Variants in PRAG1 observed in about 807,000 individuals in gnomAD.
The protein encoded by PRAG1 is inactive tyrosine-protein kinase PRAG1.
A neutral mutation model predicts 95.6 loss-of-function variants in PRAG1; 110 were observed. The ratio of observed to expected loss-of-function variants is 1.15; its 90% CI spans 0.99 to 1.35. PRAG1 has a LOEUF of 1.35. Among genes scored for constraint, PRAG1 ranks in the 40% most tolerant of loss-of-function variants. PRAG1 has a pLI of 0.00. For missense variants in PRAG1, 2,554 were observed against 1,864.7 expected (o/e 1.37, Z -6.81); for synonymous variants, 1,052 against 819.4 (o/e 1.28, Z -4.85).
At chr8:8,351,477 G>T (rs1799521077) in intron 3 of PRAG1, among the ~76,000 whole-genome samples, 1 of 152,082 alleles carries the variant, frequency 6.6e-6, no homozygotes, top group Non-Finnish European at 1.5e-5. Flanking sequence ...TAGTCTAGAG[G>T]TTCACCCTAC....
Position 8,376,279 on chromosome 8 carries a change from T to A in PRAG1, c.2130A>T (p.Thr710=). ...EFPKDRSGIE[T]FSPPPPPPKS... is the part of the protein sequence containing the mutation. Reference sequence around the variant, plus strand: ...TTGGAGGCGGAGGAGGAGGTGAGAATGTCTCAATCCCACTTCTGTCCTTGG... The same window carrying A: ...TTGGAGGCGGAGGAGGAGGTGAGAAAGTCTCAATCCCACTTCTGTCCTTGG... The change falls in exon 3 of 6, where the codon ACA becomes ACT. Residue 710 remains threonine, a synonymous_variant. Coordinates refer to ENST00000615670, the MANE Select transcript of PRAG1 (RefSeq NM_001080826.3). 6.2e-7 allele frequency: 1 copy of A among 1,614,116 alleles called. No homozygotes were observed. The highest frequency in any genetic ancestry group is 8.5e-7 in the Non-Finnish European group (1 of 1,180,020).
intron 3 of PRAG1, among the ~76,000 whole-genome samples, chr8:8,360,678 G>C (rs1318961020): frequency 6.6e-6 from 1 of 152,208 alleles, no homozygotes; most frequent in Non-Finnish European, 1.5e-5. Flanking sequence ...CCTTGCCCAA[G>C]GGGGCTTTCT....
At chr8:8,349,447 AT>A (rs571901796) in intron 3 of PRAG1, among the ~76,000 whole-genome samples, 5 of 151,528 alleles carry the variant, frequency 3.3e-5, no homozygotes, top group African/African-American at 1.2e-4. Context: ...CGCCAGGCTA[AT>A]TTTTTTTATA....
chr8:8,335,695 T>A lies in PRAG1; in HGVS notation c.2320+3783A>T, dbSNP rs538873973. ...TTTTAAAAATAAATGTTTTTTTCCTTTGGAGCACTTCCACCCCTCCCCACC... is the reference window on the plus strand; with the variant it reads ...TTTTAAAAATAAATGTTTTTTTCCTATGGAGCACTTCCACCCCTCCCCACC... On this transcript the variant is annotated intron_variant, in intron 4 of 5. Transcript: ENST00000615670. Among the ~76,000 whole-genome samples, 7 of 152,302 alleles carry A rather than the reference T, an allele frequency of 4.6e-5. No individual in the cohort carries two copies. In the South Asian group the frequency reaches 1.5e-3, roughly 32 times the overall value.
chr8:8,349,335 C>T (rs1343577296), intron 3 of PRAG1, among the ~76,000 whole-genome samples: 2 of 151,946 alleles, frequency 1.3e-5, no homozygotes, highest in Admixed American at 6.6e-5. Context: ...GGCTGGAGTG[C>T]AGTGGCATCA....
chr8:8,366,335 C>A (rs935772215), intron 3 of PRAG1, among the ~76,000 whole-genome samples: 68 of 137,786 alleles, frequency 4.9e-4, no homozygotes, highest in African/African-American at 2.7e-4. Flanking sequence ...TTTTTTGAGA[C>A]GGAGTTTCAC....
At chr8:8,374,742 T>C in intron 3 of PRAG1, 6 of 983,816 alleles carry the variant, frequency 6.1e-6, no homozygotes, top group Non-Finnish European at 7.2e-6. Flanking sequence ...CTGTTCTCCA[T>C]GGTGGGCGGC....
In PRAG1 at chr8:8,318,120, G is replaced by C. The variant is rs767710612; in HGVS notation, c.*34C>G. ...GCGAGACAGGAAAGGGTTAGGCAGG[G>C]AAGGGGCAGCGACGGTGCAGGCTGG... On this transcript the variant is annotated 3_prime_UTR_variant, in exon 6 of 6. Coordinates refer to ENST00000615670, the MANE Select transcript of PRAG1 (RefSeq NM_001080826.3). The surrounding 1 kb of genome is among the most constrained non-coding windows in gnomAD (Gnocchi z 4.2). 12 of 1,575,860 alleles carry C rather than the reference G, an allele frequency of 7.6e-6. No homozygotes were observed. The East Asian group carries it at 9.0e-5, about 12-fold the overall frequency.
At chr8:8,334,266 G>A (rs1367214870) in intron 4 of PRAG1, among the ~76,000 whole-genome samples, 1 of 152,018 alleles carries the variant, frequency 6.6e-6, no homozygotes, top group African/African-American at 2.4e-5. Flanking sequence ...GTGAAACCCT[G>A]TCTCTACTAA....
rs536598017 is a variant in PRAG1, at chr8:8,362,276, A to G, written c.2162+13971T>C. Among the ~76,000 whole-genome samples the G allele has an allele frequency of 3.3e-5, 5 of 152,276 alleles. No homozygotes were observed. The East Asian group carries it at 9.6e-4, about 29-fold the overall frequency. Reference sequence around the variant, plus strand: ...GCACCCACCCACTCCGTCCAGCAGGACTTGTCACCATCCACACAAGCAACA... The same window carrying G: ...GCACCCACCCACTCCGTCCAGCAGGGCTTGTCACCATCCACACAAGCAACA... On this transcript the variant is annotated intron_variant, in intron 3 of 5. Transcript: ENST00000615670.
In PRAG1 at chr8:8,356,202, AT is replaced by A. The variant is rs746697172; in HGVS notation, c.2163-16568del. Among the ~76,000 whole-genome samples the A allele has an allele frequency of 7.2e-5, 11 of 152,240 alleles. No homozygotes were observed. In the East Asian group the frequency reaches 7.7e-4, roughly 11 times the overall value. Reference sequence around the variant, plus strand: ...AACATCACTAATCAGGGAAATGCAAATTTAAACCACTGTGAGATATCACCTA... The same window carrying A: ...AACATCACTAATCAGGGAAATGCAAATTAAACCACTGTGAGATATCACCTA... On this transcript the variant is annotated intron_variant, in intron 3 of 5. Transcript: ENST00000615670.
At chr8:8,355,445 C>G (rs1480069731) in intron 3 of PRAG1, among the ~76,000 whole-genome samples, 1 of 151,620 alleles carries the variant, frequency 6.6e-6, no homozygotes, top group Admixed American at 6.6e-5. Flanking sequence ...CAAAAAAAAC[C>G]CTTCAAATAG....
At chr8:8,343,209 G>T (rs527480706) in intron 3 of PRAG1, among the ~76,000 whole-genome samples, 50 of 150,572 alleles carry the variant, frequency 3.3e-4, no homozygotes, top group South Asian at 2.3e-3. Flanking sequence ...ATACCCATCA[G>T]ATCAGACTGA....
rs758699358 is a variant in PRAG1, at chr8:8,376,762, G to A, written c.1647C>T (p.Ser549=). The A allele has an allele frequency of 6.2e-7, 1 of 1,610,368 alleles. No homozygotes were observed. Among genetic ancestry groups the A allele is most frequent in the Non-Finnish European group, 8.5e-7 (1 of 1,179,954 alleles). Residue 549 remains serine (S), a synonymous_variant, in exon 3 of 6, where the codon TCC becomes TCT. Coordinates refer to ENST00000615670, the MANE Select transcript of PRAG1 (RefSeq NM_001080826.3). ...KERPAIPPKL[S]KSSPVGSPVS... ...CCGGGGACCCTACAGGGCTACTCTT[G>A]GACAACTTGGGGGGAATGGCGGGCC...
At chr8:8,350,510 G>A (rs1283871312) in intron 3 of PRAG1, among the ~76,000 whole-genome samples, 1 of 152,216 alleles carries the variant, frequency 6.6e-6, no homozygotes, top group Non-Finnish European at 1.5e-5. Context: ...GAGAGTAACT[G>A]CATTCCACAA....
chr8:8,334,585 C>G (rs999504190), intron 4 of PRAG1, among the ~76,000 whole-genome samples: 1 of 151,222 alleles, frequency 6.6e-6, no homozygotes, highest in African/African-American at 2.4e-5. Flanking sequence ...TTAATCATCC[C>G]AGGAAACAAT....
At chr8:8,326,171 AAAT>A (rs201247764) in intron 5 of PRAG1, among the ~76,000 whole-genome samples, 2,239 of 147,640 alleles carry the variant, frequency 0.015, 58 homozygotes, top group African/African-American at 0.052. Flanking sequence ...AAATAATTAT[AAAT>A]AATATATATT....
chr8:8,375,208 T>TGTTTTTTG (rs1554511989), intron 3 of PRAG1, among the ~76,000 whole-genome samples: 1 of 146,192 alleles, frequency 6.8e-6, no homozygotes, highest in African/African-American at 2.6e-5. Flanking sequence ...TTCTTTGTTT[T>TGTTTTTTG]TTTTTTTGTT....
chr8:8,319,674 T>TA (rs1287444230), intron 5 of PRAG1, among the ~76,000 whole-genome samples: 1 of 152,094 alleles, frequency 6.6e-6, no homozygotes, highest in African/African-American at 2.4e-5. Flanking sequence ...GAATTTGTAT[T>TA]AAAAAACACT....
Sources: gnomAD v4.1 joint callset for allele counts (sites outside exome capture counted in the v4.1 genomes callset) on GRCh38, gnomAD v4.1.1 for gene constraint, Gnocchi (gnomAD v3.1) non-coding constraint, MANE v1.5 for transcripts, NCBI Gene and HGNC (gene_info 2026-07-23, HGNC 2026-07-21) for gene names.